Variants in KRABD5 observed in about 807,000 individuals in gnomAD.
KRABD5 encodes the protein KRAB domain containing 5, also known as KRAB domain-containing protein 5.
the KRABD5 span, among the ~76,000 whole-genome samples, chr16:31,736,895 A>G: frequency 6.6e-6 from 1 of 151,964 alleles, no homozygotes; most frequent in Non-Finnish European, 1.5e-5. Flanking sequence ...TTTTTCATCC[A>G]TGTTTTATGA....
chr16:31,749,644 C>T, the KRABD5 span, among the ~76,000 whole-genome samples: 22 of 152,288 alleles, frequency 1.4e-4, no homozygotes, highest in African/African-American at 5.3e-4. Context: ...GCATGGTTTT[C>T]CTGGCTGAGT....
the KRABD5 span, among the ~76,000 whole-genome samples, chr16:31,730,716 A>T: frequency 6.6e-6 from 1 of 152,120 alleles, no homozygotes; most frequent in African/African-American, 2.4e-5. Flanking sequence ...TACAGGCTAT[A>T]TGCTTCCTTC....
chr16:31,727,797 G>C, the KRABD5 span, among the ~76,000 whole-genome samples: 8 of 152,058 alleles, frequency 5.3e-5, no homozygotes, highest in Non-Finnish European at 1.2e-4. Context: ...ATTGTTCATA[G>C]TAGTCTCTTA....
At chr16:31,759,023 A>G in the KRABD5 span, 1 of 220,624 alleles carries the variant, frequency 4.5e-6, no homozygotes, top group African/African-American at 2.3e-5. Context: ...TAACTCTAAA[A>G]GTATGGTGGA....
At chr16:31,713,526 G>A in the KRABD5 span, 1 of 1,491,326 alleles carries the variant, frequency 6.7e-7, no homozygotes, top group Admixed American at 2.2e-5. Flanking sequence ...CGGGGTCTGG[G>A]CCCTGAGTCC....
the KRABD5 span, among the ~76,000 whole-genome samples, chr16:31,715,137 G>T: frequency 6.6e-6 from 1 of 152,140 alleles, no homozygotes; most frequent in Non-Finnish European, 1.5e-5. Flanking sequence ...CATAAAGAGG[G>T]GTTGAATGTT....
the KRABD5 span, among the ~76,000 whole-genome samples, chr16:31,729,452 A>G: frequency 6.6e-6 from 1 of 152,190 alleles, no homozygotes; most frequent in South Asian, 2.1e-4. Context: ...TTTTATAACA[A>G]ACGCACACTT....
At chr16:31,714,921 T>G in the KRABD5 span, among the ~76,000 whole-genome samples, 4 of 152,184 alleles carry the variant, frequency 2.6e-5, no homozygotes, top group African/African-American at 7.2e-5. Context: ...AAGAAGTGCC[T>G]TAATTGTAAA....
At chr16:31,753,655 G>T in the KRABD5 span, 1 of 1,062,480 alleles carries the variant, frequency 9.4e-7, no homozygotes, top group Non-Finnish European at 1.3e-6. Context: ...TCAAGTTTTT[G>T]ATTCAACTAT....
the KRABD5 span, among the ~76,000 whole-genome samples, chr16:31,720,370 T>G: frequency 6.6e-6 from 1 of 152,220 alleles, no homozygotes; most frequent in Non-Finnish European, 1.5e-5. Flanking sequence ...CTACTGATTA[T>G]GGGTCTTAAG....
At chr16:31,753,871 T>G in the KRABD5 span, 1 of 1,551,320 alleles carries the variant, frequency 6.4e-7, no homozygotes, top group East Asian at 2.4e-5. Context: ...CCTCAGAATT[T>G]AAACTTAAGG....
At chr16:31,740,225 G>A in the KRABD5 span, among the ~76,000 whole-genome samples, 3 of 151,966 alleles carry the variant, frequency 2.0e-5, no homozygotes, top group Non-Finnish European at 4.4e-5. Flanking sequence ...CTCAGCATTG[G>A]CCTACTTGAT....
chr16:31,753,530 C>T, the KRABD5 span, among the ~76,000 whole-genome samples: 61 of 152,152 alleles, frequency 4.0e-4, no homozygotes, highest in Non-Finnish European at 7.6e-4. Context: ...AAACTTTCTT[C>T]CTTCTATATG....
the KRABD5 span, among the ~76,000 whole-genome samples, chr16:31,731,412 G>A: frequency 6.6e-6 from 1 of 152,200 alleles, no homozygotes; most frequent in East Asian, 1.9e-4. Flanking sequence ...ATAAGGAATT[G>A]TAGTTGTTTC....
the KRABD5 span, chr16:31,754,183 A>C: frequency 4.4e-6 from 3 of 686,932 alleles, no homozygotes; most frequent in South Asian, 3.1e-5. Flanking sequence ...GTAAATGTTC[A>C]GTCAAATATT....
chr16:31,732,533 TA>T, the KRABD5 span, among the ~76,000 whole-genome samples: 5 of 152,244 alleles, frequency 3.3e-5, no homozygotes, highest in Admixed American at 6.5e-5. Flanking sequence ...AAGATTTATA[TA>T]TTTTTTTAGC....
the KRABD5 span, among the ~76,000 whole-genome samples, chr16:31,742,338 G>A: frequency 6.6e-6 from 1 of 152,126 alleles, no homozygotes; most frequent in African/African-American, 2.4e-5. Flanking sequence ...AGGCCCTGGT[G>A]TGTGTTGTTC....
chr16:31,755,301 A>C, the KRABD5 span: 1 of 506,202 alleles, frequency 2.0e-6, no homozygotes, highest in Non-Finnish European at 4.0e-6. Flanking sequence ...AAACCCTATA[A>C]ATGCAAAGAA....
At chr16:31,738,865 C>T in the KRABD5 span, among the ~76,000 whole-genome samples, 1 of 151,978 alleles carries the variant, frequency 6.6e-6, no homozygotes, top group Non-Finnish European at 1.5e-5. Context: ...TTGTGGTTAC[C>T]ATAGATATTA....
Sources: allele counts gnomAD v4.1 joint callset (sites outside exome capture counted in the v4.1 genomes callset), GRCh38; gene constraint gnomAD v4.1.1; transcripts MANE v1.5; gene names NCBI Gene and HGNC (gene_info 2026-07-23, HGNC 2026-07-21).